The following BRF1 variants were observed in gnomAD, a reference collection of about 807,000 sequenced individuals.
BRF1 encodes the protein BRF1 general transcription factor IIIB subunit.
In BRF1, 59 loss-of-function variants were observed where a neutral mutation model predicts 81.7. The ratio of observed to expected loss-of-function variants is 0.72; its 90% CI spans 0.59 to 0.90. The LOEUF is 0.90. Ranked by LOEUF, BRF1 falls within the 40% of genes least tolerant of loss-of-function variation. The pLI, the probability that BRF1 is intolerant of heterozygous loss-of-function variation, is 0.00. For missense variants in BRF1, 1,050 were observed against 936.3 expected (o/e 1.12, Z -1.58); for synonymous variants, 491 against 395.6 (o/e 1.24, Z -2.86).
At position 105,228,809 on chromosome 14, in the gene BRF1, G is replaced by C. The variant is rs760186326; in HGVS notation, c.788+11C>G. On this transcript the variant is annotated intron_variant, in intron 7 of 17. Coordinates refer to ENST00000547530, the MANE Select transcript of BRF1 (RefSeq NM_001519.4). ...TGTGTGGTCCCCATGCCATGAATGA[G>C]AGCCCCTCACCTCTTCCGCAGCGTG... The C allele has an allele frequency of 4.3e-6, 7 of 1,613,526 alleles. No individual in the cohort carries two copies. The African/African-American group carries it at 6.7e-5, about 15-fold the overall frequency.
chr14:105,220,249 C>G, intron 11 of BRF1, 119 bp from the exon 12 acceptor site: 1 of 1,104,744 alleles, frequency 9.1e-7, no homozygotes, highest in African/African-American at 1.5e-5. Flanking sequence ...GAACCCCGTC[C>G]CCTCCTCTGC....
At chr14:105,244,020 C>G (rs2054904918) in intron 5 of BRF1, among the ~76,000 whole-genome samples, 1 of 151,936 alleles carries the variant, frequency 6.6e-6, no homozygotes, top group South Asian at 2.1e-4. Flanking sequence ...ACAAAAAATT[C>G]AAGACAAGCC....
intron 15 of BRF1, chr14:105,213,434 C>G (rs587670001): frequency 6.7e-6 from 1 of 150,110 alleles, no homozygotes; most frequent in Non-Finnish European, 1.5e-5. Context: ...TTTTCTGAGA[C>G]GGAATCTTGC....
At chr14:105,227,730 C>A (rs935352254) in intron 7 of BRF1, 1 of 152,352 alleles carries the variant, frequency 6.6e-6, no homozygotes, top group Admixed American at 6.5e-5. Context: ...AGCCATGGGG[C>A]TCAGTTCTTA....
upstream of BRF1, among the ~76,000 whole-genome samples, chr14:105,302,943 C>T (rs1595509852): frequency 6.8e-6 from 1 of 146,730 alleles, no homozygotes; most frequent in Admixed American, 6.8e-5. Flanking sequence ...TTCTCTAGTT[C>T]TTTTTTTTTT....
chr14:105,307,848 G>A (rs779162208), intron 1 of BRF1, among the ~76,000 whole-genome samples: 17 of 152,204 alleles, frequency 1.1e-4, no homozygotes, highest in Non-Finnish European at 2.4e-4. Context: ...TCCGCAACTC[G>A]AGTGAGACTT....
chr14:105,279,360 GAA>G (rs1317842665), intron 2 of BRF1, among the ~76,000 whole-genome samples: 2 of 152,142 alleles, frequency 1.3e-5, no homozygotes, highest in Non-Finnish European at 2.9e-5. Flanking sequence ...AAATCTGTAA[GAA>G]AAAGACAACT....
rs2054611018 is a variant in BRF1 at position 105,241,265 on chromosome 14, C to G, written c.694G>C (p.Ala232Pro). The stretch of plus-strand genomic sequence containing the variant: ...CCCAGGCAGGCAGGGCCCGCTGTAC[C>G]TGCTCCGCAGAGGCCCGAGGGGCGC... ...GRRPSGLCGA[A>P]LLVAARMHDF... Residue 232 changes from alanine to proline, a missense_variant and splice_region_variant, in exon 6 of 18, where the codon GCG becomes CCG. Ala to Pro is a conservative substitution (Grantham distance 27, BLOSUM62 -1). This residue lies in a region of BRF1 where 1,043 missense variants were observed against 915.4 expected (regional missense o/e 1.14). Coordinates refer to ENST00000547530, the MANE Select transcript of BRF1 (RefSeq NM_001519.4). The G allele has an allele frequency of 1.2e-6, 2 of 1,611,278 alleles. No homozygotes were observed. The highest frequency in any genetic ancestry group is 1.7e-6 in the Non-Finnish European group (2 of 1,179,710).
At chr14:105,221,105 C>T (rs1410693754) in intron 11 of BRF1, among the ~76,000 whole-genome samples, 2 of 152,234 alleles carry the variant, frequency 1.3e-5, no homozygotes, top group African/African-American at 4.8e-5. Flanking sequence ...TGAAGCGTTG[C>T]AGGAAGGTCT....
In BRF1 at chr14:105,294,169, G is replaced by C. The variant is rs587605188; in HGVS notation, c.184+6277C>G. 2.4e-3 allele frequency among the ~76,000 whole-genome samples: 365 copies of C among 152,260 alleles called. 3 individuals are homozygous for C. Among genetic ancestry groups the C allele is most frequent in the African/African-American group, 8.3e-3 (343 of 41,562 alleles). ...GATCCCCTCTCTCCTCCCCACTCTC[G>C]GCCCAGGCACCACCTGCGCCGGTCC... On this transcript the variant is annotated intron_variant, in intron 1 of 17. Transcript: ENST00000547530.
intron 15 of BRF1, among the ~76,000 whole-genome samples, chr14:105,215,079 C>T (rs1014525713): frequency 6.6e-6 from 1 of 152,152 alleles, no homozygotes; most frequent in Non-Finnish European, 1.5e-5. Context: ...TAAATATTCC[C>T]GAATCAGATC....
chr14:105,243,513 G>C (rs1052946678), intron 5 of BRF1, among the ~76,000 whole-genome samples: 3 of 151,548 alleles, frequency 2.0e-5, no homozygotes, highest in Admixed American at 6.6e-5. Context: ...AGCTACTGAG[G>C]AGGCTGAGGC....
intron 7 of BRF1, chr14:105,227,824 T>C (rs1027085686): frequency 5.3e-5 from 8 of 152,184 alleles, no homozygotes; most frequent in Non-Finnish European, 1.2e-4. Context: ...ATGTTTAAAG[T>C]GAAATACTTT....
intron 11 of BRF1, among the ~76,000 whole-genome samples, chr14:105,220,585 G>A (rs998791279): frequency 6.6e-6 from 1 of 152,190 alleles, no homozygotes; most frequent in Non-Finnish European, 1.5e-5. Flanking sequence ...TGATTCCGGA[G>A]TCCAGGCCTG....
rs587627730 is a variant in BRF1 at position 105,215,778 on chromosome 14, GCACA to G, written c.1772+1762_1772+1765del. ...AGGCACATACACATGCACACACACT[GCACA>G]CACACACATGCACACACACTGCATA... On this transcript the variant is annotated intron_variant, in intron 15 of 17. Transcript: ENST00000547530. Among the ~76,000 whole-genome samples the G allele has an allele frequency of 2.0e-4, 19 of 92,838 alleles. No individual in the cohort carries two copies. The East Asian group carries it at 3.3e-3, about 16-fold the overall frequency. 60.9% of individuals were successfully genotyped at this position (92,838 alleles called of 152,430 possible).
intron 1 of BRF1, among the ~76,000 whole-genome samples, chr14:105,297,249 G>C (rs2057784268): frequency 6.6e-6 from 1 of 152,152 alleles, no homozygotes; most frequent in Non-Finnish European, 1.5e-5. Context: ...CATACACTGT[G>C]TTCCATGGAC....
intron 12 of BRF1, chr14:105,219,465 T>G (rs1891897897): frequency 1.2e-6 from 1 of 860,062 alleles, no homozygotes; most frequent in African/African-American, 1.7e-5. Flanking sequence ...TGAGACCCCC[T>G]AGGGCAGCTT....
intron 1 of BRF1, among the ~76,000 whole-genome samples, chr14:105,294,452 C>T (rs1217985194): frequency 6.6e-6 from 1 of 152,254 alleles, no homozygotes; most frequent in Non-Finnish European, 1.5e-5. Context: ...GCACTTAACA[C>T]TGTGCCTGCC....
chr14:105,241,897 T>G, intron 5 of BRF1: 2 of 207,374 alleles, frequency 9.6e-6, no homozygotes, highest in South Asian at 1.6e-4. Context: ...ACGGGGGCTG[T>G]GTGTGCACAC....
Sources: gnomAD v4.1 joint callset for allele counts (sites outside exome capture counted in the v4.1 genomes callset) on GRCh38, gnomAD v4.1.1 for gene constraint, gnomAD v4.1.1 regional missense constraint, MANE v1.5 for transcripts, NCBI Gene and HGNC (gene_info 2026-07-23, HGNC 2026-07-21) for gene names.